ZNG1E: variants seen among roughly 807,000 people sequenced by gnomAD.
The protein encoded by ZNG1E is Zn regulated GTPase metalloprotein activator 1E, also known as zinc-regulated GTPase metalloprotein activator 1E.
At chr9:65,675,284 G>T in the ZNG1E span, among the ~76,000 whole-genome samples, 1 of 152,226 alleles carries the variant, frequency 6.6e-6, no homozygotes, top group Non-Finnish European at 1.5e-5. Context: ...CTATGGATTA[G>T]TGATGAGAGT....
At chr9:65,677,232 C>T in the ZNG1E span, 1 of 1,545,330 alleles carries the variant, frequency 6.5e-7, no homozygotes, top group African/African-American at 1.4e-5. Context: ...ACTGGTAGGT[C>T]AGTAGATCAT....
At chr9:65,714,669 A>G in the ZNG1E span, among the ~76,000 whole-genome samples, 1 of 152,044 alleles carries the variant, frequency 6.6e-6, no homozygotes, top group Non-Finnish European at 1.5e-5. Flanking sequence ...TGCCTCTGCT[A>G]GGGGGTGCCT....
At chr9:65,656,612 T>C in the ZNG1E span, among the ~76,000 whole-genome samples, 144 of 152,384 alleles carry the variant, frequency 9.4e-4, no homozygotes, top group African/African-American at 3.3e-3. Flanking sequence ...CAGATAATGG[T>C]CCCTCTCCCA....
chr9:65,654,070 C>T, the ZNG1E span, among the ~76,000 whole-genome samples: 1 of 150,936 alleles, frequency 6.6e-6, no homozygotes, highest in Non-Finnish European at 1.5e-5. Flanking sequence ...ATTGTAGTTC[C>T]CATAATCCCC....
At chr9:65,656,620 C>T in the ZNG1E span, among the ~76,000 whole-genome samples, 1 of 152,280 alleles carries the variant, frequency 6.6e-6, no homozygotes, top group African/African-American at 2.4e-5. Flanking sequence ...GGTCCCTCTC[C>T]CAGCCTGGCA....
the ZNG1E span, among the ~76,000 whole-genome samples, chr9:65,728,575 A>G: frequency 6.7e-6 from 1 of 148,652 alleles, no homozygotes. Flanking sequence ...AAGATATTCA[A>G]GGCTACTATG....
chr9:65,659,121 A>G, the ZNG1E span, among the ~76,000 whole-genome samples: 1 of 152,238 alleles, frequency 6.6e-6, no homozygotes, highest in South Asian at 2.1e-4. Context: ...CTCATACCCA[A>G]GAGTCAATAA....
At chr9:65,675,102 T>G in the ZNG1E span, among the ~76,000 whole-genome samples, 2,620 of 141,894 alleles carry the variant, frequency 0.018, no homozygotes, top group Admixed American at 0.035. Context: ...AAACAGGGAA[T>G]GATCAGCAAT....
the ZNG1E span, among the ~76,000 whole-genome samples, chr9:65,673,781 G>A: frequency 6.6e-6 from 1 of 152,296 alleles, no homozygotes; most frequent in Admixed American, 6.5e-5. Context: ...ATCCCTGCTG[G>A]GCGACAGAGT....
the ZNG1E span, among the ~76,000 whole-genome samples, chr9:65,664,634 G>A: frequency 4.7e-5 from 7 of 149,210 alleles, no homozygotes; most frequent in Non-Finnish European, 7.4e-5. Flanking sequence ...AGAGTGGGGC[G>A]CTGCTGAAAA....
the ZNG1E span, among the ~76,000 whole-genome samples, chr9:65,667,418 TA>T: frequency 6.6e-6 from 1 of 152,394 alleles, no homozygotes; most frequent in African/African-American, 2.4e-5. Flanking sequence ...AATAAGAAAT[TA>T]ATATTAAAAT....
At chr9:65,707,029 G>C in the ZNG1E span, 5 of 119,196 alleles carry the variant, frequency 4.2e-5, no homozygotes, top group Non-Finnish European at 5.1e-5. Context: ...ACTCTGGTTT[G>C]AGACAGAATC....
At chr9:65,727,314 A>C in the ZNG1E span, among the ~76,000 whole-genome samples, 2 of 149,176 alleles carry the variant, frequency 1.3e-5, no homozygotes, top group African/African-American at 5.1e-5. Context: ...ATAAAACAAA[A>C]GTACAATTAG....
chr9:65,688,385 TC>T, the ZNG1E span: 1 of 74,426 alleles, frequency 1.3e-5, no homozygotes, highest in Non-Finnish European at 2.8e-5. Context: ...TTCAAGTTCT[TC>T]ATTATGATGA....
chr9:65,677,536 C>A, the ZNG1E span, among the ~76,000 whole-genome samples: 2 of 152,398 alleles, frequency 1.3e-5, no homozygotes, highest in African/African-American at 2.4e-5. Context: ...ACCATTCCCC[C>A]AAATCCTGCT....
chr9:65,728,615 C>T, the ZNG1E span, among the ~76,000 whole-genome samples: 1 of 148,128 alleles, frequency 6.8e-6, no homozygotes, highest in Non-Finnish European at 1.5e-5. Context: ...ACTAGAAAAC[C>T]TAAAATAGAT....
chr9:65,658,078 A>C, the ZNG1E span, among the ~76,000 whole-genome samples: 1 of 151,786 alleles, frequency 6.6e-6, no homozygotes, highest in Non-Finnish European at 1.5e-5. Context: ...CAGCCTGGGC[A>C]ACAAGAGCAA....
the ZNG1E span, among the ~76,000 whole-genome samples, chr9:65,671,652 C>A: frequency 6.6e-6 from 1 of 152,142 alleles, no homozygotes; most frequent in Non-Finnish European, 1.5e-5. Context: ...TCTGTTGTTA[C>A]TTTGGGTTAC....
At chr9:65,684,270 C>T in the ZNG1E span, among the ~76,000 whole-genome samples, 2 of 151,762 alleles carry the variant, frequency 1.3e-5, no homozygotes, top group Non-Finnish European at 2.9e-5. Flanking sequence ...GGCATGGTGG[C>T]TCATGCCTGT....
Sources: gnomAD v4.1 joint callset for allele counts (sites outside exome capture counted in the v4.1 genomes callset) on GRCh38, gnomAD v4.1.1 for gene constraint, MANE v1.5 for transcripts, NCBI Gene and HGNC (gene_info 2026-07-23, HGNC 2026-07-21) for gene names.